PDPR: variants seen among roughly 807,000 people sequenced by gnomAD.
PDPR encodes pyruvate dehydrogenase phosphatase regulatory subunit, mitochondrial.
Under a neutral mutation model 102.2 loss-of-function variants are expected in PDPR, and 50 were observed. The observed-to-expected ratio is 0.49, with a 90% CI of 0.39 to 0.62. PDPR has a LOEUF of 0.62. Ranked by LOEUF, PDPR falls within the 20% of genes least tolerant of loss-of-function variation. PDPR has a pLI of 0.00. For synonymous variants in PDPR, 259 were observed against 406.0 expected (o/e 0.64, Z 4.35); for missense variants, 625 against 1,098.2 (o/e 0.57, Z 6.09).
intron 8 of PDPR, 48 bp downstream of exon 8, chr16:70,131,467 C>G: frequency 6.8e-7 from 1 of 1,468,184 alleles, no homozygotes; most frequent in Non-Finnish European, 9.3e-7. Context: ...TGCCAGTATC[C>G]TGTCCTCTGA....
rs1417069211 is a variant in PDPR at position 70,156,615 on chromosome 16, T to C, written c.2376T>C (p.Asn792=). ...WPWWGEPIYR[N]GQYVGKTTSS... is the part of the protein sequence containing the mutation. ...GGTGGGGAGAGCCCATTTACCGGAA[T>C]GGGCAGTATGTTGGCAAGACCACCA... Residue 792 remains asparagine (N), a synonymous_variant, in exon 19 of 19, where the codon AAT becomes AAC. Transcript: ENST00000288050. 6.2e-7 allele frequency: 1 copy of C among 1,614,106 alleles called. No homozygotes were observed. The highest frequency in any genetic ancestry group is 8.5e-7 in the Non-Finnish European group (1 of 1,179,912).
At chr16:70,113,964 C>G (rs1962371193), upstream of PDPR, 1 of 151,556 alleles carries the variant, frequency 6.6e-6, no homozygotes. Context: ...TAAGCCCTGG[C>G]ACGGGCCTCG....
chr16:70,140,474 T>C (rs1242621661), intron 11 of PDPR, among the ~76,000 whole-genome samples: 1 of 152,252 alleles, frequency 6.6e-6, no homozygotes, highest in Non-Finnish European at 1.5e-5. Flanking sequence ...CTTGGTGATA[T>C]GACACTTTTG....
Position 70,131,817 on chromosome 16 carries a change from C to G in PDPR, c.848-334C>G. 4 of 1,386,534 alleles carry G rather than the reference C, an allele frequency of 2.9e-6. No individual in the cohort carries two copies. The Admixed American group carries it at 9.2e-5, about 32-fold the overall frequency. The allele number at this position is 1,386,534 out of a possible 1,614,324, so 85.9% of individuals were successfully genotyped here. A position where few individuals can be genotyped will look rare whatever the true frequency, so the allele number is the denominator to read the frequency against. ...TCACATCCTTTTGACGGTCTTCATG[C>G]CTAGAATGGGCTCTGCAACCCCCCT... On this transcript the variant is annotated intron_variant, in intron 8 of 18. Coordinates refer to ENST00000288050, the MANE Select transcript of PDPR (RefSeq NM_017990.5).
chr16:70,124,351 A>G lies in PDPR; in HGVS notation c.228-2909A>G, dbSNP rs528831499. On this transcript the variant is annotated intron_variant, in intron 3 of 18. Transcript: ENST00000288050. ...GCCCTCCAGCCTGGGCAACAGAGTG[A>G]GACTGTCTCAAAAAATAATAGTTAT... Among the ~76,000 whole-genome samples, 223 of 152,314 alleles carry G rather than the reference A, an allele frequency of 1.5e-3. 1 individual carries two copies. The Middle Eastern group carries it at 0.017, about 12-fold the overall frequency.
chr16:70,151,155 C>T (rs1048161563), intron 17 of PDPR, among the ~76,000 whole-genome samples: 1 of 152,238 alleles, frequency 6.6e-6, no homozygotes, highest in African/African-American at 2.4e-5. Flanking sequence ...AGGATGGTCT[C>T]AATCGCCTGA....
chr16:70,151,118 TAG>T (rs1197902994), intron 17 of PDPR, among the ~76,000 whole-genome samples: 1 of 152,266 alleles, frequency 6.6e-6, no homozygotes, highest in African/African-American at 2.4e-5. Flanking sequence ...GTATTTTTCA[TAG>T]AGACAGGGTT....
At chr16:70,123,173 A>T (rs1230556045) in intron 3 of PDPR, among the ~76,000 whole-genome samples, 1 of 152,220 alleles carries the variant, frequency 6.6e-6, no homozygotes, top group Non-Finnish European at 1.5e-5. Flanking sequence ...AAGTGCTGGG[A>T]TTACAGGCAT....
At chr16:70,119,604 G>GTC (rs1490918282) in intron 2 of PDPR, among the ~76,000 whole-genome samples, 1 of 148,464 alleles carries the variant, frequency 6.7e-6, no homozygotes, top group African/African-American at 2.6e-5. Flanking sequence ...GCACATGCTC[G>GTC]TCTCAGTGTC....
intron 7 of PDPR, 26 bp downstream of exon 7, chr16:70,130,570 C>G (rs1597323779): frequency 1.2e-6 from 2 of 1,612,790 alleles, no homozygotes; most frequent in Non-Finnish European, 1.7e-6. Context: ...CACTGCTGTT[C>G]TTATTTAACG....
chr16:70,154,176 A>G (rs1196561931), intron 18 of PDPR, among the ~76,000 whole-genome samples: 1 of 152,058 alleles, frequency 6.6e-6, no homozygotes, highest in Non-Finnish European at 1.5e-5. Context: ...AAATTTACAA[A>G]AAGTAGCTGG....
intron 3 of PDPR, among the ~76,000 whole-genome samples, chr16:70,122,131 C>T (rs1963374013): frequency 6.6e-6 from 1 of 152,248 alleles, no homozygotes; most frequent in Non-Finnish European, 1.5e-5. Flanking sequence ...GGATTACAGG[C>T]ACCCACCACC....
intron 15 of PDPR, among the ~76,000 whole-genome samples, chr16:70,145,412 A>T (rs2152110079): frequency 6.6e-6 from 1 of 152,356 alleles, no homozygotes; most frequent in East Asian, 1.9e-4. Context: ...CTGGGATTAC[A>T]GGCATGAGCC....
chr16:70,130,729 C>T (rs1452844313), intron 7 of PDPR, among the ~76,000 whole-genome samples, 185 bp downstream of exon 7: 1 of 152,284 alleles, frequency 6.6e-6, no homozygotes, highest in African/African-American at 2.4e-5. Flanking sequence ...TGACCTTGTC[C>T]TTCCTCCACA....
At chr16:70,149,860 G>A (rs1441065487) in intron 17 of PDPR, among the ~76,000 whole-genome samples, 3 of 152,126 alleles carry the variant, frequency 2.0e-5, no homozygotes, top group Non-Finnish European at 4.4e-5. Flanking sequence ...GCGCAATCTC[G>A]GCTCACTGCA....
Position 70,156,927 on chromosome 16 carries a change from G to A in PDPR, c.*48G>A, listed in dbSNP as rs1490612871. The A allele has an allele frequency of 1.9e-6, 3 of 1,594,302 alleles. No individual in the cohort carries two copies. The highest frequency in any genetic ancestry group is 1.8e-5 in the Admixed American group (1 of 56,626). On this transcript the variant is annotated 3_prime_UTR_variant, in exon 19 of 19. Transcript: ENST00000288050. ...CCTCCCCATCATCTTGTCCTAGAGT[G>A]GGCGTCACCTTGGAGCTTCTCTTCC... is the stretch of plus-strand genomic sequence containing the variant.
rs1327661288 is a variant in PDPR, at chr16:70,161,804, TAC to T, written c.*4929_*4930del. 6.6e-6 allele frequency: 1 copy of T among 152,414 alleles called. No homozygotes were observed. The highest frequency in any genetic ancestry group is 2.4e-5 in the African/African-American group (1 of 41,484). The allele number at this position is 152,414 out of a possible 1,614,324, so 9.4% of individuals were successfully genotyped here. On this transcript the variant is annotated 3_prime_UTR_variant, in exon 19 of 19. Transcript: ENST00000288050. ...AGAGTGTCTGCATCTCTTGGAGAGT[TAC>T]ACATTTCTTCATGAGCCATTTTTCT...
chr16:70,124,528 C>G (rs1388994262), intron 3 of PDPR, among the ~76,000 whole-genome samples: 6 of 152,274 alleles, frequency 3.9e-5, no homozygotes, highest in African/African-American at 1.4e-4. Flanking sequence ...TTAACAATTA[C>G]CAGTGCCCAG....
intron 17 of PDPR, among the ~76,000 whole-genome samples, chr16:70,149,800 C>CT (rs548680781): frequency 1.3e-5 from 2 of 152,108 alleles, no homozygotes; most frequent in South Asian, 2.1e-4. Flanking sequence ...TCTCCAGAAC[C>CT]TTTTTTTTGA....
Sources: gnomAD v4.1 joint callset for allele counts (sites outside exome capture counted in the v4.1 genomes callset) on GRCh38, gnomAD v4.1.1 for gene constraint, MANE v1.5 for transcripts, NCBI Gene and HGNC (gene_info 2026-07-23, HGNC 2026-07-21) for gene names.